Variants in FMN2 observed in about 807,000 individuals in gnomAD.
The protein encoded by FMN2 is formin-2.
A neutral mutation model predicts 142.3 loss-of-function variants in FMN2; 51 were observed. The observed-to-expected ratio is 0.36, with a 90% CI of 0.29 to 0.45. FMN2 has a LOEUF of 0.45. Ranked by LOEUF, FMN2 falls within the 20% of genes least tolerant of loss-of-function variation. The pLI is 1.00. For missense variants in FMN2, 1,936 were observed against 2,122.8 expected (o/e 0.91, Z 1.73); for synonymous variants, 882 against 869.8 (o/e 1.01, Z -0.25).
chr1:240,338,871 G>A (rs1671653790), intron 13 of FMN2, among the ~76,000 whole-genome samples: 1 of 152,176 alleles, frequency 6.6e-6, no homozygotes, highest in African/African-American at 2.4e-5. Context: ...ATCAGTGGAA[G>A]CCCTAAACTT....
At chr1:240,253,758 C>T (rs1668357479) in intron 6 of FMN2, among the ~76,000 whole-genome samples, 1 of 152,156 alleles carries the variant, frequency 6.6e-6, no homozygotes, top group Admixed American at 6.5e-5. Flanking sequence ...TAGGGGAGGA[C>T]TTTTTCCTGA....
Position 240,153,947 on chromosome 1 carries a change from C to A in FMN2, c.1783-23974C>A, listed in dbSNP as rs1359179440. Among the ~76,000 whole-genome samples the A allele has an allele frequency of 2.0e-5, 3 of 151,670 alleles. No homozygotes were observed. The East Asian group carries it at 5.8e-4, about 30-fold the overall frequency. On this transcript the variant is annotated intron_variant, in intron 2 of 17. Transcript: ENST00000319653. ...CCTGGCCAACATGGCACAACCCTGCCTCTACTGAAAATACAAAAATCAGCC... is the reference window on the plus strand; with the variant it reads ...CCTGGCCAACATGGCACAACCCTGCATCTACTGAAAATACAAAAATCAGCC...
chr1:240,126,017 G>C (rs1243046985), intron 2 of FMN2, among the ~76,000 whole-genome samples: 1 of 152,114 alleles, frequency 6.6e-6, no homozygotes, highest in Non-Finnish European at 1.5e-5. Context: ...ATAAAACAAA[G>C]AAGAAAATTA....
intron 14 of FMN2, among the ~76,000 whole-genome samples, chr1:240,380,361 T>C (rs1320450875): frequency 1.3e-5 from 2 of 152,106 alleles, no homozygotes; most frequent in African/African-American, 4.8e-5. Flanking sequence ...ATGTGGAAAT[T>C]CAACAACTTG....
intron 8 of FMN2, among the ~76,000 whole-genome samples, chr1:240,312,069 A>G (rs1362385623): frequency 6.6e-6 from 1 of 152,194 alleles, no homozygotes; most frequent in South Asian, 2.1e-4. Context: ...GAGCAGTTTC[A>G]TGTTCACATT....
At chr1:240,112,823 C>G (rs985671787) in intron 1 of FMN2, among the ~76,000 whole-genome samples, 5 of 152,148 alleles carry the variant, frequency 3.3e-5, no homozygotes, top group African/African-American at 1.2e-4. Flanking sequence ...GCCTCCCTGG[C>G]TGACCCTGTG....
At chr1:240,259,603 ACATGTGTGAATCG>A (rs1201725980) in intron 7 of FMN2, among the ~76,000 whole-genome samples, 4 of 151,026 alleles carry the variant, frequency 2.6e-5, no homozygotes, top group African/African-American at 9.8e-5. Flanking sequence ...AACAGGATTT[ACATGTGTGAATCG>A]CTTGTGTCCT....
chr1:240,142,500 T>TTTATTTATTTATTTATTTATTTATA (rs1553331235), intron 2 of FMN2, among the ~76,000 whole-genome samples: 1 of 150,796 alleles, frequency 6.6e-6, no homozygotes, highest in African/African-American at 2.5e-5. Flanking sequence ...TTTATTTATA[T>TTTATTTATTTATTTATTTATTTATA]TTTTTGGGGG....
At chr1:240,309,757 T>A (rs1670539950) in intron 8 of FMN2, among the ~76,000 whole-genome samples, 2 of 152,038 alleles carry the variant, frequency 1.3e-5, no homozygotes, top group Non-Finnish European at 2.9e-5. Flanking sequence ...GACCGGGAGC[T>A]GCTGAGTCCA....
At chr1:240,354,852 T>A (rs1330036913) in intron 13 of FMN2, among the ~76,000 whole-genome samples, 2 of 152,146 alleles carry the variant, frequency 1.3e-5, no homozygotes, top group Admixed American at 6.5e-5. Flanking sequence ...ATTTTTTTGT[T>A]GTTGTCGTTG....
chr1:240,115,322 G>T (rs1661979753), intron 1 of FMN2, among the ~76,000 whole-genome samples: 1 of 151,866 alleles, frequency 6.6e-6, no homozygotes, highest in Non-Finnish European at 1.5e-5. Flanking sequence ...TAATCTATTT[G>T]TTATAGTACC....
chr1:240,274,805 G>T (rs1306848302), intron 7 of FMN2, among the ~76,000 whole-genome samples: 2 of 152,106 alleles, frequency 1.3e-5, no homozygotes, highest in African/African-American at 4.8e-5. Flanking sequence ...GATGTAGACT[G>T]TGAGAAAAAG....
intron 6 of FMN2, among the ~76,000 whole-genome samples, chr1:240,240,442 A>G (rs1667855221): frequency 1.3e-5 from 2 of 152,178 alleles, no homozygotes; most frequent in South Asian, 4.1e-4. Context: ...CATGGTCTCA[A>G]TAAGAGTCTT....
chr1:240,155,341 C>T (rs1663978162), intron 2 of FMN2, among the ~76,000 whole-genome samples: 1 of 152,138 alleles, frequency 6.6e-6, no homozygotes, highest in Middle Eastern at 3.2e-3. Flanking sequence ...TACAGTGGTG[C>T]AATCATGGCT....
chr1:240,341,234 A>T (rs776232242), intron 13 of FMN2, among the ~76,000 whole-genome samples: 5 of 152,050 alleles, frequency 3.3e-5, no homozygotes, highest in Non-Finnish European at 7.4e-5. Context: ...TGTTTTGGAT[A>T]TTTATCTTCC....
intron 15 of FMN2, among the ~76,000 whole-genome samples, chr1:240,394,286 T>A (rs1673701389): frequency 6.6e-6 from 1 of 152,224 alleles, no homozygotes; most frequent in African/African-American, 2.4e-5. Context: ...TCAGTTTCTA[T>A]GTTTATTCAA....
intron 6 of FMN2, among the ~76,000 whole-genome samples, chr1:240,241,115 A>C (rs894977288): frequency 6.6e-6 from 1 of 152,186 alleles, no homozygotes; most frequent in Non-Finnish European, 1.5e-5. Context: ...CAAACTGTGA[A>C]ATTTAGAAAT....
chr1:240,197,103 C>T (rs1263909010), intron 4 of FMN2, among the ~76,000 whole-genome samples: 1 of 152,174 alleles, frequency 6.6e-6, no homozygotes, highest in Admixed American at 6.5e-5. Flanking sequence ...TTGGGACTTT[C>T]TGCCCCACCC....
At chr1:240,269,749 A>G (rs189992572) in intron 7 of FMN2, among the ~76,000 whole-genome samples, 29 of 151,940 alleles carry the variant, frequency 1.9e-4, no homozygotes, top group Non-Finnish European at 2.9e-5. Context: ...TTCAGTGTAC[A>G]GATTTTTCAT....
Sources: gnomAD v4.1 joint callset for allele counts (sites outside exome capture counted in the v4.1 genomes callset) on GRCh38, gnomAD v4.1.1 for gene constraint, MANE v1.5 for transcripts, NCBI Gene and HGNC (gene_info 2026-07-23, HGNC 2026-07-21) for gene names.